Variants in CEP350 observed in about 807,000 individuals in gnomAD.
The protein encoded by CEP350 is centrosome-associated protein 350.
A neutral mutation model predicts 331.8 loss-of-function variants in CEP350; 126 were observed. That is an observed-to-expected ratio of 0.38 (90% CI 0.33 to 0.44). The LOEUF is 0.44. Among genes scored for constraint, CEP350 ranks in the 20% least tolerant of loss-of-function variants. The pLI, the probability that CEP350 is intolerant of heterozygous loss-of-function variation, is 1.00. For synonymous variants in CEP350, 1,200 were observed against 1,259.5 expected (o/e 0.95, Z 1.00); for missense variants, 3,406 against 3,634.6 (o/e 0.94, Z 1.62).
chr1:180,075,329 G>A (rs1010111184), intron 28 of CEP350, 108 bp downstream of exon 28: 4 of 1,158,770 alleles, frequency 3.5e-6, no homozygotes, highest in Non-Finnish European at 4.8e-6. Context: ...GCTCACGCCT[G>A]TAATCCTAAC....
Position 180,082,382 on chromosome 1 carries a change from A to G in CEP350, c.6125-1636A>G, listed in dbSNP as rs571874150. ...ACTTAAATGATGGGAGAGTTTATCA[A>G]CCAAGCTAATATAATCAGTGTGTGT... On this transcript the variant is annotated intron_variant, in intron 30 of 37. Coordinates refer to ENST00000367607, the MANE Select transcript of CEP350 (RefSeq NM_014810.5). Among the ~76,000 whole-genome samples the G allele has an allele frequency of 1.1e-4, 17 of 152,342 alleles. No homozygotes were observed. The South Asian group carries it at 2.7e-3, about 24-fold the overall frequency.
At chr1:180,054,283 G>A in intron 24 of CEP350, 132 bp from the exon 25 acceptor site, 1 of 753,700 alleles carries the variant, frequency 1.3e-6, no homozygotes, top group Non-Finnish European at 2.2e-6. Flanking sequence ...ACGGCTACAT[G>A]TAGCAACTGC....
chr1:179,996,408 G>A (rs1034644411), intron 5 of CEP350, 145 bp from the exon 6 acceptor site: 1 of 615,690 alleles, frequency 1.6e-6, no homozygotes, highest in Non-Finnish European at 2.8e-6. Context: ...TATACCTTGT[G>A]GAATGGCTAA....
At chr1:180,024,799 T>A (rs961976195) in intron 14 of CEP350, among the ~76,000 whole-genome samples, 10 of 152,164 alleles carry the variant, frequency 6.6e-5, no homozygotes, top group African/African-American at 2.4e-4. Flanking sequence ...GATAAAAAAT[T>A]AAAAATTAGA....
intron 1 of CEP350, 50 bp downstream of exon 1, chr1:179,955,192 A>G: frequency 1.5e-6 from 2 of 1,296,500 alleles, no homozygotes; most frequent in South Asian, 1.5e-5. Context: ...GCTCAGCCTC[A>G]ACTGTCTCTG....
intron 14 of CEP350, among the ~76,000 whole-genome samples, chr1:180,030,061 C>T (rs1284324043): frequency 3.3e-5 from 5 of 151,980 alleles, no homozygotes; most frequent in Non-Finnish European, 7.4e-5. Context: ...ATCCATTCAT[C>T]AGTTCACGGA....
rs879291503 is a variant in CEP350, at chr1:180,102,901, G to C, written c.9189+3916G>C. On this transcript the variant is annotated intron_variant, in intron 37 of 37. Coordinates refer to ENST00000367607, the MANE Select transcript of CEP350 (RefSeq NM_014810.5). ...CTGCGGTGAATACCCAGGGTTCGTC[G>C]TCTCGAGCTGAGAAAATTAACGACA... 5.9e-5 allele frequency among the ~76,000 whole-genome samples: 9 copies of C among 152,214 alleles called. 1 individual carries two copies. Among genetic ancestry groups the C allele is most frequent in the African/African-American group, 9.6e-5 (4 of 41,456 alleles).
chr1:180,084,038 G>A lies in CEP350; in HGVS notation c.6145G>A (p.Asp2049Asn), dbSNP rs754458176. 3 of 1,583,000 alleles carry A rather than the reference G, an allele frequency of 1.9e-6. No individual in the cohort carries two copies. Among genetic ancestry groups the A allele is most frequent in the Non-Finnish European group, 1.7e-6 (2 of 1,161,774 alleles). ...TTCAGAAACTACATCTGACCAGAGT[G>A]ATATTGAAGGTAGGATCAGAGCTCT... Reference protein sequence around the residue: ...TQSETTSDQSDIEGRIRALKD... With the variant: ...TQSETTSDQSNIEGRIRALKD... Residue 2049 changes from aspartate to asparagine, a missense_variant, in exon 31 of 38, where the codon GAT becomes AAT. Transcript: ENST00000367607.
chr1:179,961,806 A>G (rs1430348462), intron 1 of CEP350, among the ~76,000 whole-genome samples: 1 of 152,160 alleles, frequency 6.6e-6, no homozygotes, highest in African/African-American at 2.4e-5. Context: ...TAGCGAACAT[A>G]GTACCCAGTA....
chr1:180,101,505 A>T lies in CEP350; in HGVS notation c.9189+2520A>T, dbSNP rs141534413. ...CTTCCTCTACTCTCACATTACAACA[A>T]TCATCACCACACAAGAAAACTTCTG... On this transcript the variant is annotated intron_variant, in intron 37 of 37. Coordinates refer to ENST00000367607, the MANE Select transcript of CEP350 (RefSeq NM_014810.5). Among the ~76,000 whole-genome samples the T allele has an allele frequency of 3.1e-3, 469 of 152,250 alleles. 8 individuals are homozygous for T. The East Asian group carries it at 0.044, about 14-fold the overall frequency.
Position 180,112,517 on chromosome 1 carries a change from C to A in CEP350, c.*1356C>A, listed in dbSNP as rs747141462. ...GCTACATTAGAGCATAAGAGATGCT[C>A]TCCTGGGACCTCAGTACCCTGCCTT... On this transcript the variant is annotated 3_prime_UTR_variant, in exon 38 of 38. Coordinates refer to ENST00000367607, the MANE Select transcript of CEP350 (RefSeq NM_014810.5). 1.3e-5 allele frequency: 2 copies of A among 152,636 alleles called. No homozygotes were observed. The highest frequency in any genetic ancestry group is 4.1e-4 in the South Asian group (2 of 4,824). The allele number at this position is 152,636 out of a possible 1,614,324, so 9.5% of individuals were successfully genotyped here. A position where few individuals can be genotyped will look rare whatever the true frequency, so the allele number is the denominator to read the frequency against.
Position 180,093,983 on chromosome 1 carries a change from A to C in CEP350, c.7878A>C (p.Ser2626=). Residue 2626 remains serine, a synonymous_variant, in exon 34 of 38, where the codon TCA becomes TCC. Coordinates refer to ENST00000367607, the MANE Select transcript of CEP350 (RefSeq NM_014810.5). ...SLPSVNDIEA[S]VNRSRSLKIE... ...CTAGTGTGAATGATATAGAAGCCTC[A>C]GTTAATAGAAGTAGAAGCCTTAAAA... The C allele has an allele frequency of 6.2e-7, 1 of 1,613,856 alleles. No individual in the cohort carries two copies. Among genetic ancestry groups the C allele is most frequent in the East Asian group, 2.2e-5 (1 of 44,868 alleles).
chr1:180,077,044 A>G (rs1265538838), intron 28 of CEP350, among the ~76,000 whole-genome samples: 1 of 152,166 alleles, frequency 6.6e-6, no homozygotes, highest in Non-Finnish European at 1.5e-5. Context: ...TAAGGCTAGA[A>G]AAAGAATTAA....
intron 19 of CEP350, among the ~76,000 whole-genome samples, chr1:180,042,130 T>TCACACACACA (rs533781557): frequency 4.3e-5 from 3 of 69,114 alleles, no homozygotes; most frequent in South Asian, 5.1e-4. Context: ...GTGAGTTTTC[T>TCACACACACA]CTCACACACA....
intron 14 of CEP350, among the ~76,000 whole-genome samples, chr1:180,025,433 T>C (rs1655608208): frequency 6.6e-6 from 1 of 152,128 alleles, no homozygotes; most frequent in South Asian, 2.1e-4. Flanking sequence ...CAGTAAATAT[T>C]TTTGAGTGAT....
intron 22 of CEP350, among the ~76,000 whole-genome samples, chr1:180,049,077 TAAGTA>T (rs1224833055): frequency 1.3e-5 from 2 of 151,962 alleles, no homozygotes; most frequent in East Asian, 3.8e-4. Flanking sequence ...CAAAAAAAAA[TAAGTA>T]AATAAAGTGG....
intron 25 of CEP350, among the ~76,000 whole-genome samples, chr1:180,057,476 T>A (rs762086257): frequency 3.9e-5 from 6 of 152,052 alleles, no homozygotes; most frequent in Admixed American, 6.6e-5. Flanking sequence ...TCTGCTTGTA[T>A]GTGGCCATGT....
intron 28 of CEP350, among the ~76,000 whole-genome samples, chr1:180,075,979 A>T (rs1041120145): frequency 3.9e-5 from 6 of 152,088 alleles, no homozygotes; most frequent in Non-Finnish European, 8.8e-5. Flanking sequence ...AATTGTAATA[A>T]CTTTATTCCA....
intron 37 of CEP350, among the ~76,000 whole-genome samples, chr1:180,110,277 T>G (rs1218353443): frequency 1.3e-5 from 2 of 152,190 alleles, no homozygotes; most frequent in Non-Finnish European, 2.9e-5. Flanking sequence ...GACTTACTGT[T>G]TTTCAACATC....
Sources: gnomAD v4.1 joint callset for allele counts (sites outside exome capture counted in the v4.1 genomes callset) on GRCh38, gnomAD v4.1.1 for gene constraint, MANE v1.5 for transcripts, NCBI Gene and HGNC (gene_info 2026-07-23, HGNC 2026-07-21) for gene names.